PTPN22: variants seen among roughly 807,000 people sequenced by gnomAD.
PTPN22 encodes tyrosine-protein phosphatase non-receptor type 22.
PTPN22 carries 85 observed loss-of-function variants against 103.3 expected under a neutral mutation model. The ratio of observed to expected loss-of-function variants is 0.82; its 90% CI spans 0.69 to 0.99. The LOEUF (loss-of-function observed/expected upper bound fraction) is 0.99. Ranked by LOEUF, PTPN22 falls within the 50% of genes least tolerant of loss-of-function variation. The pLI is 0.00. For missense variants in PTPN22, 865 were observed against 936.9 expected, an observed-to-expected ratio of 0.92 and a Z score of 1.00; for synonymous variants, 323 against 310.2, an observed-to-expected ratio of 1.04 and a Z score of -0.43.
chr1:113,871,149 G>C, intron 1 of PTPN22, among the ~76,000 whole-genome samples: 1 of 152,144 alleles, frequency 6.6e-6, no homozygotes, highest in Non-Finnish European at 1.5e-5. Context: ...ATGTAATATT[G>C]CATGAAAAGT....
At chr1:113,858,557 T>C (rs763193298) in exon 4 of PTPN22, 5 of 1,594,044 alleles carry the variant, frequency 3.1e-6, no homozygotes, top group Non-Finnish European at 4.3e-6. Flanking sequence ...AATATAAGCC[T>C]TGGGTCCATA....
chr1:113,851,654 T>C (rs1664582971), intron 10 of PTPN22, among the ~76,000 whole-genome samples: 1 of 152,208 alleles, frequency 6.6e-6, no homozygotes, highest in Non-Finnish European at 1.5e-5. Flanking sequence ...TCCCTGATTT[T>C]CTATGCTTTC....
chr1:113,854,271 G>T (rs1242613939), intron 9 of PTPN22, among the ~76,000 whole-genome samples, 200 bp downstream of exon 9: 3 of 152,212 alleles, frequency 2.0e-5, no homozygotes, highest in East Asian at 1.9e-4. Context: ...CTCAGGTGAT[G>T]CTGATGCTTC....
chr1:113,827,068 T>C (rs1438456677), intron 18 of PTPN22, among the ~76,000 whole-genome samples: 2 of 152,224 alleles, frequency 1.3e-5, no homozygotes. Context: ...AGGCATTTTA[T>C]TCTTCTTGAT....
At chr1:113,837,895 G>A (rs1663162831) in exon 13 of PTPN22, 1 of 1,613,962 alleles carries the variant, frequency 6.2e-7, no homozygotes, top group African/African-American at 1.3e-5. Context: ...AGAGTCATAT[G>A]GCAGTGAATA....
chr1:113,826,704 C>G (rs1234369835), intron 18 of PTPN22, among the ~76,000 whole-genome samples: 9 of 108,846 alleles, frequency 8.3e-5, no homozygotes, highest in Admixed American at 2.9e-4. Flanking sequence ...GAGTCTCGCT[C>G]TGTCGCCCAG....
At chr1:113,850,072 C>T (rs1664425999) in intron 10 of PTPN22, among the ~76,000 whole-genome samples, 1 of 152,024 alleles carries the variant, frequency 6.6e-6, no homozygotes, top group Non-Finnish European at 1.5e-5. Flanking sequence ...TGATGCGTGC[C>T]TGGAGTCCCA....
intron 11 of PTPN22, among the ~76,000 whole-genome samples, chr1:113,839,896 C>G (rs1302575723): frequency 7.6e-6 from 1 of 130,904 alleles, no homozygotes. Context: ...TGTTCTTAGG[C>G]AAGAAAAAAA....
At chr1:113,867,792 T>C (rs1012581450) in intron 1 of PTPN22, among the ~76,000 whole-genome samples, 1 of 152,194 alleles carries the variant, frequency 6.6e-6, no homozygotes, top group Non-Finnish European at 1.5e-5. Flanking sequence ...GGAAAAGACA[T>C]AAGCAGCATG....
intron 19 of PTPN22, 136 bp downstream of exon 19, chr1:113,825,006 T>C (rs541843153): frequency 1.9e-6 from 1 of 529,926 alleles, no homozygotes; most frequent in East Asian, 3.5e-5. Flanking sequence ...TATGGGTGAT[T>C]GTTCTGATTC....
In PTPN22 at chr1:113,838,064, G is replaced by A. The variant is rs758909741; in HGVS notation, c.1336C>T (p.Arg446Trp). 2.4e-5 allele frequency: 39 copies of A among 1,613,740 alleles called. No individual in the cohort carries two copies. In the South Asian group the frequency reaches 3.0e-4, roughly 12 times the overall value. Residue 446 changes from arginine to tryptophan, a missense_variant, in exon 13 of 21, where the codon CGG becomes TGG. Physicochemically the swap from Arg to Trp is moderately radical, Grantham distance 101. Around this residue, in one of 3 missense-constraint regions of PTPN22, gnomAD observed 457 missense variants for 529.1 expected, o/e 0.86. Coordinates refer to ENST00000359785, the Ensembl canonical transcript of PTPN22. ...AATTCAAAAGGAGTTGATTTGGTCC[G>A]TGTTATTGGCACCTTTGAATTAAAA... is the stretch of plus-strand genomic sequence containing the variant.
chr1:113,859,250 T>C lies in PTPN22; in HGVS notation c.196+102A>G, dbSNP rs541631699. On this transcript the variant is annotated intron_variant, in intron 2 of 20. Coordinates refer to ENST00000359785, the Ensembl canonical transcript of PTPN22. Reference sequence around the variant, plus strand: ...TAAATAGTACAAACTAAGTTGTCAATGCCATGTTCCAAGATCAGGATCAGT... The same window carrying C: ...TAAATAGTACAAACTAAGTTGTCAACGCCATGTTCCAAGATCAGGATCAGT... 5.2e-6 allele frequency: 8 copies of C among 1,534,698 alleles called. No individual in the cohort carries two copies. The East Asian group carries it at 1.8e-4, about 35-fold the overall frequency.
Position 113,855,043 on chromosome 1 carries a change from G to A in PTPN22, c.547C>T (p.Arg183Ter), listed in dbSNP as rs34590413. 1.2e-5 allele frequency: 19 copies of A among 1,608,638 alleles called. No homozygotes were observed. Among genetic ancestry groups the A allele is most frequent in the Non-Finnish European group, 1.5e-5 (18 of 1,175,500 alleles). ...TTGTAATGAAACTGGTAGATAGTTC[G>A]AGTTTCCTATAAAAAGTAGCCAGAT... Residue 183 changes from arginine to a stop codon, truncating the protein, a stop_gained, in exon 8 of 21, where the codon CGA becomes TGA. Transcript: ENST00000359785. LOFTEE classifies it high-confidence loss of function.
chr1:113,838,514 C>A, intron 12 of PTPN22, 30 bp downstream of exon 12: 1 of 1,606,076 alleles, frequency 6.2e-7, no homozygotes, highest in South Asian at 1.1e-5. Flanking sequence ...CACAATTAGT[C>A]AACATTTAGA....
chr1:113,817,325 G>T (rs1661242704), intron 20 of PTPN22, among the ~76,000 whole-genome samples: 2 of 152,006 alleles, frequency 1.3e-5, no homozygotes, highest in South Asian at 4.1e-4. Flanking sequence ...TTTTGCATGT[G>T]GGCCAATTCA....
chr1:113,814,697 T>C, exon 21 of PTPN22: 1 of 524,542 alleles, frequency 1.9e-6, no homozygotes, highest in South Asian at 2.5e-5. Context: ...AAACTTTTAT[T>C]TGCAGTTTTC....
intron 19 of PTPN22, among the ~76,000 whole-genome samples, chr1:113,822,907 C>T (rs1467162742): frequency 1.3e-5 from 2 of 152,114 alleles, no homozygotes; most frequent in African/African-American, 4.8e-5. Context: ...TGCAGTGAGC[C>T]GAGATCGCAT....
intron 11 of PTPN22, among the ~76,000 whole-genome samples, chr1:113,840,221 C>CAAA (rs35772284): frequency 8.6e-6 from 1 of 116,778 alleles, no homozygotes; most frequent in Non-Finnish European, 1.9e-5. Context: ...AATTCCATCT[C>CAAA]AAAAAAAAAA....
chr1:113,816,945 A>G (rs368125443), intron 20 of PTPN22, among the ~76,000 whole-genome samples: 30 of 152,020 alleles, frequency 2.0e-4, no homozygotes, highest in African/African-American at 6.5e-4. Context: ...CTAGAAAACT[A>G]TGCCAGAACT....
Sources: gnomAD v4.1 joint callset for allele counts (sites outside exome capture counted in the v4.1 genomes callset) on GRCh38, gnomAD v4.1.1 for gene constraint, gnomAD v4.1.1 regional missense constraint, MANE v1.5 for transcripts, NCBI Gene and HGNC (gene_info 2026-07-23, HGNC 2026-07-21) for gene names.